PITPNC1: variants seen among roughly 807,000 people sequenced by gnomAD.
PITPNC1 encodes the protein phosphatidylinositol transfer protein cytoplasmic 1, also known as cytoplasmic phosphatidylinositol transfer protein 1.
Under a neutral mutation model 44.7 loss-of-function variants are expected in PITPNC1, and 18 were observed. That is an observed-to-expected ratio of 0.40 (90% CI 0.28 to 0.60). The LOEUF is 0.60. PITPNC1 is among the 20% of genes least tolerant of loss of function. The probability of loss-of-function intolerance (pLI) is 0.39; values close to 1 mark genes in which losing one functional copy is unlikely to be tolerated. For missense variants in PITPNC1, 290 were observed against 418.4 expected (o/e 0.69, Z 2.68); for synonymous variants, 141 against 149.6 (o/e 0.94, Z 0.42).
intron 1 of PITPNC1, among the ~76,000 whole-genome samples, chr17:67,444,586 CA>C (rs2039066883): frequency 6.6e-6 from 1 of 151,982 alleles, no homozygotes. Flanking sequence ...AATCAACTGA[CA>C]AAAAGCAGAT....
chr17:67,648,770 G>T (rs559279422), intron 6 of PITPNC1, among the ~76,000 whole-genome samples: 4 of 152,186 alleles, frequency 2.6e-5, no homozygotes, highest in African/African-American at 9.6e-5. Flanking sequence ...GGAGTTTGTA[G>T]TCATTGGGAG....
intron 1 of PITPNC1, among the ~76,000 whole-genome samples, chr17:67,386,842 G>A (rs2038061894): frequency 6.6e-6 from 1 of 152,098 alleles, no homozygotes; most frequent in African/African-American, 2.4e-5. Flanking sequence ...CTAGAAATCA[G>A]CTAACTTGTA....
intron 1 of PITPNC1, among the ~76,000 whole-genome samples, chr17:67,391,655 A>G (rs2038141121): frequency 6.6e-6 from 1 of 151,820 alleles, no homozygotes; most frequent in African/African-American, 2.4e-5. Flanking sequence ...TAATTTTTAT[A>G]TTTTTAGTAG....
chr17:67,545,588 A>T (rs924687673), intron 2 of PITPNC1, among the ~76,000 whole-genome samples: 1 of 152,086 alleles, frequency 6.6e-6, no homozygotes, highest in Non-Finnish European at 1.5e-5. Context: ...AATAAATAAC[A>T]TAAAATATGG....
intron 4 of PITPNC1, among the ~76,000 whole-genome samples, chr17:67,572,449 C>G (rs1475411538): frequency 8.2e-6 from 1 of 121,264 alleles, no homozygotes; most frequent in Non-Finnish European, 1.6e-5. Context: ...GCTTTAACAC[C>G]TGAAGAAGCT....
At chr17:67,468,803 T>C (rs1322634841) in intron 1 of PITPNC1, among the ~76,000 whole-genome samples, 1 of 151,040 alleles carries the variant, frequency 6.6e-6, no homozygotes, top group East Asian at 2.0e-4. Flanking sequence ...TTCAAGCGAT[T>C]CTCCTGCCTC....
intron 1 of PITPNC1, among the ~76,000 whole-genome samples, chr17:67,407,578 A>C (rs1158196512): frequency 6.6e-6 from 1 of 152,066 alleles, no homozygotes. Context: ...TGAGGTGGGC[A>C]GATCACCTGA....
intron 8 of PITPNC1, among the ~76,000 whole-genome samples, chr17:67,686,735 G>A (rs2042823558): frequency 6.6e-6 from 1 of 152,152 alleles, no homozygotes; most frequent in Non-Finnish European, 1.5e-5. Context: ...TGTCCCCAAT[G>A]GGATCTTCTA....
At chr17:67,500,840 C>A (rs1231854150) in intron 1 of PITPNC1, among the ~76,000 whole-genome samples, 2 of 151,364 alleles carry the variant, frequency 1.3e-5, no homozygotes, top group Non-Finnish European at 2.9e-5. Flanking sequence ...CGCACACCAC[C>A]ACACTTGACA....
chr17:67,432,563 G>C (rs1311885908), intron 1 of PITPNC1, among the ~76,000 whole-genome samples: 1 of 152,058 alleles, frequency 6.6e-6, no homozygotes, highest in Non-Finnish European at 1.5e-5. Flanking sequence ...TAACTGATGA[G>C]CTAAAATAAA....
At chr17:67,493,493 C>T (rs1260221578) in intron 1 of PITPNC1, among the ~76,000 whole-genome samples, 1 of 152,158 alleles carries the variant, frequency 6.6e-6, no homozygotes, top group Non-Finnish European at 1.5e-5. Context: ...AGGATGCAAC[C>T]AAATGATATG....
intron 1 of PITPNC1, among the ~76,000 whole-genome samples, chr17:67,472,624 G>A (rs2039557661): frequency 6.6e-6 from 1 of 150,530 alleles, no homozygotes; most frequent in South Asian, 2.1e-4. Flanking sequence ...TCCAGCCTGG[G>A]TGACAGAGGG....
At chr17:67,429,558 C>T (rs370372310) in intron 1 of PITPNC1, among the ~76,000 whole-genome samples, 12 of 152,126 alleles carry the variant, frequency 7.9e-5, no homozygotes, top group East Asian at 7.8e-4. Flanking sequence ...ATTAGCTGGG[C>T]GTGGTGGCGA....
intron 1 of PITPNC1, chr17:67,379,138 G>A (rs1372505065): frequency 2.0e-6 from 2 of 985,822 alleles, no homozygotes; most frequent in East Asian, 2.3e-4. Flanking sequence ...TCTGTCCAGG[G>A]ACAGCGAGGG....
chr17:67,446,507 T>C (rs1271215641), intron 1 of PITPNC1, among the ~76,000 whole-genome samples: 2 of 146,214 alleles, frequency 1.4e-5, no homozygotes, highest in African/African-American at 5.3e-5. Context: ...AAATAATTTC[T>C]TTCCTCATTA....
At chr17:67,380,060 TTTTTTG>T (rs2037934149) in intron 1 of PITPNC1, among the ~76,000 whole-genome samples, 3 of 151,904 alleles carry the variant, frequency 2.0e-5, no homozygotes, top group African/African-American at 7.3e-5. Context: ...TTCCTTCCTT[TTTTTTG>T]TCTTTTCTTT....
At chr17:67,584,225 C>T (rs886350277) in intron 5 of PITPNC1, among the ~76,000 whole-genome samples, 4 of 152,162 alleles carry the variant, frequency 2.6e-5, no homozygotes, top group African/African-American at 7.2e-5. Context: ...CTCCATTCCA[C>T]TCCCACTCAC....
intron 1 of PITPNC1, among the ~76,000 whole-genome samples, chr17:67,435,005 A>G (rs1220963731): frequency 1.3e-5 from 2 of 148,428 alleles, no homozygotes; most frequent in Non-Finnish European, 3.0e-5. Context: ...GCTACTCAGG[A>G]GGCTGAGGCA....
Position 67,378,091 on chromosome 17 carries a change from C to A in PITPNC1, c.-64C>A. 1 of 1,200,844 alleles carries A rather than the reference C, an allele frequency of 8.3e-7. No individual in the cohort carries two copies. The highest frequency in any genetic ancestry group is 1.1e-6 in the Non-Finnish European group (1 of 872,322). The allele number at this position is 1,200,844 out of a possible 1,614,324, so 74.4% of individuals were successfully genotyped here. A position where few individuals can be genotyped will look rare whatever the true frequency, so the allele number is the denominator to read the frequency against. Reference sequence around the variant, plus strand: ...GGCGCCCTGCCCTGCGCCTGGGCAGCAGCCTTGCTGGTCTTGGGGGCGCCC... The same window carrying A: ...GGCGCCCTGCCCTGCGCCTGGGCAGAAGCCTTGCTGGTCTTGGGGGCGCCC... On this transcript the variant is annotated 5_prime_UTR_variant, in exon 1 of 9. Coordinates refer to ENST00000581322, the MANE Select transcript of PITPNC1 (RefSeq NM_012417.4).
Sources: gnomAD v4.1 joint callset for allele counts (sites outside exome capture counted in the v4.1 genomes callset) on GRCh38, gnomAD v4.1.1 for gene constraint, MANE v1.5 for transcripts, NCBI Gene and HGNC (gene_info 2026-07-23, HGNC 2026-07-21) for gene names.